The following HCN1 variants were observed in gnomAD, a reference collection of about 807,000 sequenced individuals.
The protein encoded by HCN1 is potassium/sodium hyperpolarization-activated cyclic nucleotide-gated channel 1.
A neutral mutation model predicts 78.9 loss-of-function variants in HCN1; 13 were observed. The ratio of observed to expected loss-of-function variants is 0.16; its 90% CI spans 0.11 to 0.26. The LOEUF (loss-of-function observed/expected upper bound fraction) is 0.26. Ranked by LOEUF, HCN1 falls within the 10% of genes least tolerant of loss-of-function variation. The probability of loss-of-function intolerance (pLI) is 1.00; values close to 1 mark genes in which losing one functional copy is unlikely to be tolerated. For synonymous variants in HCN1, 552 were observed against 455.5 expected (o/e 1.21, Z -2.70); for missense variants, 810 against 1,154.3 (o/e 0.70, Z 4.32).
chr5:45,459,207 C>A (rs1264823486), intron 3 of HCN1, among the ~76,000 whole-genome samples: 1 of 151,762 alleles, frequency 6.6e-6, no homozygotes, highest in South Asian at 2.1e-4. Context: ...AGTTTAAGAC[C>A]AGCCTTGGCG....
chr5:45,324,101 G>A (rs1465160826), intron 5 of HCN1, among the ~76,000 whole-genome samples: 1 of 151,730 alleles, frequency 6.6e-6, no homozygotes, highest in East Asian at 2.0e-4. Context: ...GGGTCAAATG[G>A]TATTTCTAGT....
chr5:45,344,723 A>G (rs1746661222), intron 5 of HCN1, among the ~76,000 whole-genome samples: 1 of 152,224 alleles, frequency 6.6e-6, no homozygotes, highest in Non-Finnish European at 1.5e-5. Context: ...GTGGGCTCGC[A>G]TGGCCTTGGG....
intron 1 of HCN1, among the ~76,000 whole-genome samples, chr5:45,646,298 T>G (rs1419771485): frequency 6.6e-6 from 1 of 151,986 alleles, no homozygotes; most frequent in Non-Finnish European, 1.5e-5. Flanking sequence ...GTGTTTTTAT[T>G]ACTACTCTAT....
At chr5:45,615,639 A>G (rs914173204) in intron 2 of HCN1, among the ~76,000 whole-genome samples, 1 of 152,026 alleles carries the variant, frequency 6.6e-6, no homozygotes, top group Non-Finnish European at 1.5e-5. Flanking sequence ...AAGCTATATT[A>G]ATGATTTTCT....
At chr5:45,394,023 C>T (rs974559473) in intron 4 of HCN1, among the ~76,000 whole-genome samples, 13 of 152,272 alleles carry the variant, frequency 8.5e-5, no homozygotes, top group Non-Finnish European at 1.9e-4. Flanking sequence ...CTGTGAGTCC[C>T]TTTACAACCT....
intron 2 of HCN1, among the ~76,000 whole-genome samples, chr5:45,474,615 T>C (rs1003258616): frequency 1.3e-5 from 2 of 151,916 alleles, no homozygotes; most frequent in South Asian, 4.1e-4. Flanking sequence ...AGCTCTTCAG[T>C]TTAACATATA....
intron 2 of HCN1, among the ~76,000 whole-genome samples, chr5:45,604,657 G>A (rs1744691954): frequency 6.6e-6 from 1 of 151,902 alleles, no homozygotes; most frequent in Admixed American, 6.6e-5. Flanking sequence ...TTGAGCTAAT[G>A]AATGCTTTAG....
Position 45,325,802 on chromosome 5 carries a change from C to A in HCN1, c.1378-21963G>T, listed in dbSNP as rs576588002. On this transcript the variant is annotated intron_variant, in intron 5 of 7. Coordinates refer to ENST00000303230, the MANE Select transcript of HCN1 (RefSeq NM_021072.4). Reference sequence around the variant, plus strand: ...AATTTTAAAGGATTTCCCATGATTTCTCTGTCTCTAGTAGGAAGGATTTAC... The same window carrying A: ...AATTTTAAAGGATTTCCCATGATTTATCTGTCTCTAGTAGGAAGGATTTAC... 8.6e-5 allele frequency among the ~76,000 whole-genome samples: 13 copies of A among 151,750 alleles called. No individual in the cohort carries two copies. In the South Asian group the frequency reaches 1.2e-3, roughly 15 times the overall value.
chr5:45,312,989 G>A (rs1745889162), intron 5 of HCN1, among the ~76,000 whole-genome samples: 1 of 152,126 alleles, frequency 6.6e-6, no homozygotes, highest in South Asian at 2.1e-4. Context: ...AGACTTAAAT[G>A]TCCCTGTCTG....
intron 2 of HCN1, among the ~76,000 whole-genome samples, chr5:45,508,163 T>A (rs1742345094): frequency 6.6e-6 from 1 of 152,126 alleles, no homozygotes; most frequent in Admixed American, 6.6e-5. Flanking sequence ...TATTACTAAC[T>A]CTTAAGGTTC....
chr5:45,606,494 G>A (rs945951087), intron 2 of HCN1, among the ~76,000 whole-genome samples: 1 of 151,952 alleles, frequency 6.6e-6, no homozygotes, highest in African/African-American at 2.4e-5. Flanking sequence ...TTTATCCTTA[G>A]TGAAAAAGCT....
intron 2 of HCN1, among the ~76,000 whole-genome samples, chr5:45,496,223 T>C (rs1248808131): frequency 6.6e-6 from 1 of 152,092 alleles, no homozygotes; most frequent in East Asian, 1.9e-4. Flanking sequence ...TGTGAATCCA[T>C]CTGGTCCTGG....
chr5:45,369,290 T>A (rs964937111), intron 4 of HCN1, among the ~76,000 whole-genome samples: 3 of 152,126 alleles, frequency 2.0e-5, no homozygotes, highest in Non-Finnish European at 4.4e-5. Context: ...GATAGCCTTC[T>A]AATTGGCTTG....
rs555950932 is a variant in HCN1 at position 45,474,353 on chromosome 5, C to T, written c.850-12346G>A. 4.4e-3 allele frequency among the ~76,000 whole-genome samples: 675 copies of T among 151,722 alleles called. 7 individuals carry two copies. Among genetic ancestry groups the T allele is most frequent in the Middle Eastern group, 6.8e-3 (2 of 294 alleles). The stretch of plus-strand genomic sequence containing the variant: ...TGCTAGACTTACTCAGTTCCCTTGA[C>T]ATCCACATTTAATTGGTGACTAAGT... On this transcript the variant is annotated intron_variant, in intron 2 of 7. Transcript: ENST00000303230.
intron 1 of HCN1, among the ~76,000 whole-genome samples, chr5:45,647,210 T>C (rs1417251174): frequency 3.3e-5 from 5 of 152,154 alleles, no homozygotes; most frequent in Admixed American, 1.3e-4. Context: ...CAAATACCCA[T>C]GTCAGCCATA....
intron 5 of HCN1, among the ~76,000 whole-genome samples, chr5:45,341,930 A>G (rs1579823970): frequency 6.6e-6 from 1 of 152,148 alleles, no homozygotes; most frequent in Non-Finnish European, 1.5e-5. Flanking sequence ...ATCATTAGGC[A>G]TCTACCTTAT....
rs899973063 is a variant in HCN1 at position 45,618,073 on chromosome 5, T to G, written c.849+27112A>C. 2.8e-4 allele frequency among the ~76,000 whole-genome samples: 42 copies of G among 147,614 alleles called. 1 individual carries two copies. The highest frequency in any genetic ancestry group is 2.6e-3 in the Admixed American group (38 of 14,690). On this transcript the variant is annotated intron_variant, in intron 2 of 7. Transcript: ENST00000303230. ...CAGATGGGAAATTCAGATATAATAG[T>G]TTAGGAATGATGAAAAAGATAAAGT...
In HCN1 at chr5:45,424,121, A is replaced by C. The variant is rs1343287711; in HGVS notation, c.1012-27411T>G. ...AAACCCCATCTCTACTAAAAATCCA[A>C]AAAAAAAAAAAAAAAAAAAAAATTA... On this transcript the variant is annotated intron_variant, in intron 3 of 7. Transcript: ENST00000303230. 5.4e-3 allele frequency among the ~76,000 whole-genome samples: 645 copies of C among 118,604 alleles called. 11 individuals are homozygous for C. Among genetic ancestry groups the C allele is most frequent in the African/African-American group, 0.018 (495 of 28,106 alleles). 77.8% of individuals were successfully genotyped at this position (118,604 alleles called of 152,430 possible). A position where few individuals can be genotyped will look rare whatever the true frequency, so the allele number is the denominator to read the frequency against.
intron 5 of HCN1, among the ~76,000 whole-genome samples, chr5:45,309,113 T>C (rs1164540970): frequency 2.0e-5 from 3 of 152,154 alleles, no homozygotes; most frequent in Middle Eastern, 3.2e-3. Context: ...AGTTATTTGA[T>C]TCCTTTTGTG....
Sources: gnomAD v4.1 joint callset for allele counts (sites outside exome capture counted in the v4.1 genomes callset) on GRCh38, gnomAD v4.1.1 for gene constraint, MANE v1.5 for transcripts, NCBI Gene and HGNC (gene_info 2026-07-23, HGNC 2026-07-21) for gene names.